Variants in ATXN10 observed in about 807,000 individuals in gnomAD.
The protein encoded by ATXN10 is ataxin-10.
Under a neutral mutation model 52.9 loss-of-function variants are expected in ATXN10, and 28 were observed. The ratio of observed to expected loss-of-function variants is 0.53; its 90% CI spans 0.39 to 0.73. The LOEUF (loss-of-function observed/expected upper bound fraction) is 0.73. ATXN10 is among the 30% of genes least tolerant of loss of function. ATXN10 has a pLI of 0.00. For synonymous variants in ATXN10, 226 were observed against 221.5 expected (o/e 1.02, Z -0.18); for missense variants, 565 against 577.0 (o/e 0.98, Z 0.21).
chr22:45,675,830 ACTT>A (rs1231746265), intron 1 of ATXN10: 4 of 152,370 alleles, frequency 2.6e-5, no homozygotes, highest in African/African-American at 9.6e-5. Context: ...TCTGTAACCC[ACTT>A]CTTAAACAGT....
intron 6 of ATXN10, among the ~76,000 whole-genome samples, chr22:45,721,291 G>A (rs575154638): frequency 2.0e-5 from 3 of 152,286 alleles, no homozygotes; most frequent in African/African-American, 7.2e-5. Flanking sequence ...AACAGCTTGT[G>A]TAGTTTTCAG....
In ATXN10 at chr22:45,792,926, A is replaced by G. The variant is rs147293821; in HGVS notation, c.1174-14033A>G. 8.3e-3 allele frequency: 3,351 copies of G among 404,718 alleles called. 30 individuals are homozygous for G. The highest frequency in any genetic ancestry group is 0.016 in the South Asian group (714 of 44,746). 25.1% of individuals were successfully genotyped at this position (404,718 alleles called of 1,614,324 possible). The stretch of plus-strand genomic sequence containing the variant: ...CTGTTATACCTACATAGGGAGCCAC[A>G]TGAAGATCATAGATAAGGTGAATCA... On this transcript the variant is annotated intron_variant, in intron 9 of 11. Transcript: ENST00000252934.
At chr22:45,700,026 G>T (rs1923778614) in intron 3 of ATXN10, among the ~76,000 whole-genome samples, 1 of 151,860 alleles carries the variant, frequency 6.6e-6, no homozygotes, top group African/African-American at 2.4e-5. Flanking sequence ...TGGCCAGGCT[G>T]GTCTTGAACT....
Position 45,789,079 on chromosome 22 carries a change from G to A in ATXN10, c.1174-17880G>A, listed in dbSNP as rs1927418276. Among the ~76,000 whole-genome samples the A allele has an allele frequency of 6.6e-6, 1 of 152,094 alleles. No individual in the cohort carries two copies. Among genetic ancestry groups the A allele is most frequent in the Non-Finnish European group, 1.5e-5 (1 of 68,010 alleles). On this transcript the variant is annotated intron_variant, in intron 9 of 11. Transcript: ENST00000252934. This position sits in a 1 kb window ranked among gnomAD's most constrained non-coding sequence, Gnocchi z 4.0. ...GGAGATGCAGATTGACAGTAAGGATGGAAAGTCACTGCTCTGTATCAGTGC... is the reference window on the plus strand; with the variant it reads ...GGAGATGCAGATTGACAGTAAGGATAGAAAGTCACTGCTCTGTATCAGTGC...
At chr22:45,779,430 T>C (rs528878946) in intron 9 of ATXN10, among the ~76,000 whole-genome samples, 1 of 152,284 alleles carries the variant, frequency 6.6e-6, no homozygotes, top group African/African-American at 2.4e-5. Flanking sequence ...AAAGACGGAC[T>C]GGAAGGAAGA....
chr22:45,704,766 T>C (rs1923975069), intron 5 of ATXN10, among the ~76,000 whole-genome samples: 1 of 152,186 alleles, frequency 6.6e-6, no homozygotes, highest in African/African-American at 2.4e-5. Flanking sequence ...TGCCTTTTCT[T>C]TCTTTTCCTT....
intron 9 of ATXN10, among the ~76,000 whole-genome samples, chr22:45,742,799 C>T (rs1268034633): frequency 1.3e-5 from 2 of 151,356 alleles, no homozygotes; most frequent in Non-Finnish European, 2.9e-5. Flanking sequence ...ACCATTTTGG[C>T]AATCCTCATC....
At chr22:45,745,873 G>A (rs138176) in intron 9 of ATXN10, among the ~76,000 whole-genome samples, 65 of 152,236 alleles carry the variant, frequency 4.3e-4, no homozygotes, top group African/African-American at 1.3e-3. Flanking sequence ...TTCAAGGAGT[G>A]TAAATATTAC....
At chr22:45,707,239 C>T (rs1186761594) in intron 5 of ATXN10, among the ~76,000 whole-genome samples, 1 of 152,128 alleles carries the variant, frequency 6.6e-6, no homozygotes, top group Non-Finnish European at 1.5e-5. Flanking sequence ...CCTTGAGCAC[C>T]TGTAATCCCA....
intron 3 of ATXN10, among the ~76,000 whole-genome samples, chr22:45,695,896 G>A (rs1354408782): frequency 1.3e-5 from 2 of 152,166 alleles, no homozygotes; most frequent in Non-Finnish European, 1.5e-5. Context: ...GGCTAAATTA[G>A]CGTGTTAGAG....
chr22:45,728,122 A>T lies in ATXN10; in HGVS notation c.729-1303A>T, dbSNP rs1775723227. Among the ~76,000 whole-genome samples, 1 of 152,036 alleles carries T rather than the reference A, an allele frequency of 6.6e-6. No individual in the cohort carries two copies. Among genetic ancestry groups the T allele is most frequent in the Admixed American group, 6.6e-5 (1 of 15,264 alleles). On this transcript the variant is annotated intron_variant, in intron 6 of 11. Coordinates refer to ENST00000252934, the MANE Select transcript of ATXN10 (RefSeq NM_013236.4). The surrounding 1 kb of genome is among the most constrained non-coding windows in gnomAD (Gnocchi z 4.3). ...ATACTGAGATGTGAGGTACTATCCC[A>T]GCCATCATGTTGATTGTTACCTGGA... is the stretch of plus-strand genomic sequence containing the variant.
chr22:45,813,424 G>C (rs1326636650), intron 10 of ATXN10, among the ~76,000 whole-genome samples: 1 of 117,372 alleles, frequency 8.5e-6, no homozygotes, highest in East Asian at 2.5e-4. Context: ...GGGTTTTTTT[G>C]TTTTTTTCTT....
At chr22:45,812,412 G>A (rs1338649520) in intron 10 of ATXN10, among the ~76,000 whole-genome samples, 1 of 152,132 alleles carries the variant, frequency 6.6e-6, no homozygotes, top group East Asian at 1.9e-4. Flanking sequence ...ACAAATAAAT[G>A]AGCAAAGAGC....
At chr22:45,740,292 G>A (rs1362295356) in intron 8 of ATXN10, 77 bp from the exon 9 acceptor site, 4 of 1,401,266 alleles carry the variant, frequency 2.9e-6, no homozygotes, top group South Asian at 1.2e-5. Context: ...AATTAGATTT[G>A]TCTATGGAAA....
chr22:45,822,000 G>C (rs56273859), intron 10 of ATXN10, among the ~76,000 whole-genome samples: 2,459 of 152,214 alleles, frequency 0.016, 25 homozygotes, highest in Middle Eastern at 0.027. Context: ...GGCCTTCCCT[G>C]CTCTTCCCCA....
In ATXN10 at chr22:45,707,633, TTAATA is replaced by T. The variant is rs543436094; in HGVS notation, c.647+4798_647+4802del. Among the ~76,000 whole-genome samples the T allele has an allele frequency of 6.7e-4, 100 of 149,014 alleles. 3 individuals carry two copies. In the South Asian group the frequency reaches 0.018, roughly 26 times the overall value. ...ATAAAGGGCAAAATATAAAATCTGTTTAATATAATATAATATGATATAATATAATA... is the reference window on the plus strand; with the variant it reads ...ATAAAGGGCAAAATATAAAATCTGTTTAATATAATATGATATAATATAATA... On this transcript the variant is annotated intron_variant, in intron 5 of 11. Transcript: ENST00000252934.
intron 9 of ATXN10, among the ~76,000 whole-genome samples, chr22:45,773,955 A>G (rs903019795): frequency 1.1e-4 from 17 of 152,232 alleles, no homozygotes; most frequent in Non-Finnish European, 2.4e-4. Flanking sequence ...GTGGGATACT[A>G]TGTAGATTTC....
At chr22:45,801,977 G>T (rs1225709240) in intron 9 of ATXN10, among the ~76,000 whole-genome samples, 1 of 152,096 alleles carries the variant, frequency 6.6e-6, no homozygotes, top group Non-Finnish European at 1.5e-5. Flanking sequence ...CCTCCCCAAG[G>T]TCACACAGCT....
chr22:45,746,757 C>T (rs16994480), intron 9 of ATXN10, among the ~76,000 whole-genome samples: 8,408 of 152,202 alleles, frequency 0.055, 354 homozygotes, highest in East Asian at 0.17. Context: ...TTCTCTTCTA[C>T]GCTCCTCACT....
Sources: allele counts gnomAD v4.1 joint callset (sites outside exome capture counted in the v4.1 genomes callset), GRCh38; gene constraint gnomAD v4.1.1; non-coding constraint Gnocchi (gnomAD v3.1); transcripts MANE v1.5; gene names NCBI Gene and HGNC (gene_info 2026-07-23, HGNC 2026-07-21).